Variants in ABL2 observed in about 807,000 individuals in gnomAD.
ABL2 encodes the protein ABL proto-oncogene 2, non-receptor tyrosine kinase.
A neutral mutation model predicts 107.7 loss-of-function variants in ABL2; 49 were observed. That is an observed-to-expected ratio of 0.45 (90% CI 0.36 to 0.58). The LOEUF (loss-of-function observed/expected upper bound fraction) is 0.58. Ranked by LOEUF, ABL2 falls within the 20% of genes least tolerant of loss-of-function variation. ABL2 has a pLI of 0.00. For synonymous variants in ABL2, 549 were observed against 548.6 expected (o/e 1.00, Z -0.01); for missense variants, 1,245 against 1,457.0 (o/e 0.85, Z 2.37).
chr1:179,187,321 T>C (rs1348858439), intron 1 of ABL2, among the ~76,000 whole-genome samples: 1 of 152,250 alleles, frequency 6.6e-6, no homozygotes, highest in East Asian at 1.9e-4. Context: ...TTTATTTTCA[T>C]CACTAGCAAC....
intron 1 of ABL2, among the ~76,000 whole-genome samples, chr1:179,215,297 A>G (rs1412152476): frequency 6.6e-6 from 1 of 152,244 alleles, no homozygotes; most frequent in Non-Finnish European, 1.5e-5. Context: ...GGAAACACCT[A>G]TCGAACCACA....
At chr1:179,121,408 A>C (rs1655183194) in intron 5 of ABL2, among the ~76,000 whole-genome samples, 187 bp downstream of exon 5, 1 of 152,222 alleles carries the variant, frequency 6.6e-6, no homozygotes, top group African/African-American at 2.4e-5. Context: ...GTTTCACTGC[A>C]TTGCAGTGAA....
rs1653421178 is a variant in ABL2, at chr1:179,105,639, C to G, written c.*2079G>C. On this transcript the variant is annotated 3_prime_UTR_variant, in exon 12 of 12. Coordinates refer to ENST00000502732, the MANE Select transcript of ABL2 (RefSeq NM_007314.4). ...ACATACTGCGGGGATCACCCAACACCTGCCAGGAATGCCCAGCACCGCGTG... is the reference window on the plus strand; with the variant it reads ...ACATACTGCGGGGATCACCCAACACGTGCCAGGAATGCCCAGCACCGCGTG... 4.4e-6 allele frequency: 1 copy of G among 227,902 alleles called. No individual in the cohort carries two copies. The highest frequency in any genetic ancestry group is 5.7e-5 in the Admixed American group (1 of 17,580). The allele number at this position is 227,902 out of a possible 1,614,324, so 14.1% of individuals were successfully genotyped here.
intron 5 of ABL2, 44 bp downstream of exon 5, chr1:179,121,551 C>T: frequency 6.3e-7 from 1 of 1,588,118 alleles, no homozygotes; most frequent in Non-Finnish European, 8.6e-7. Flanking sequence ...TGATTGAGCA[C>T]AAAAGAAAAA....
intron 1 of ABL2, among the ~76,000 whole-genome samples, chr1:179,198,657 C>T (rs1485398075): frequency 8.1e-6 from 1 of 123,562 alleles, no homozygotes; most frequent in Non-Finnish European, 1.6e-5. Flanking sequence ...CACGCCACTG[C>T]ACTCCAGCCT....
At chr1:179,131,659 A>G (rs778433616) in intron 2 of ABL2, among the ~76,000 whole-genome samples, 178 bp from the exon 3 acceptor site, 9 of 152,228 alleles carry the variant, frequency 5.9e-5, no homozygotes, top group Non-Finnish European at 1.0e-4. Context: ...ATGAGGAAGC[A>G]ATTTACTTGT....
intron 1 of ABL2, among the ~76,000 whole-genome samples, chr1:179,219,971 A>G (rs1662783572): frequency 6.6e-6 from 1 of 152,266 alleles, no homozygotes; most frequent in Admixed American, 6.5e-5. Flanking sequence ...GGCACTTAAG[A>G]GTCTCGTACA....
intron 1 of ABL2, 65 bp downstream of exon 1, chr1:179,229,167 TCCGCCACCC>T: frequency 5.0e-6 from 2 of 402,572 alleles, no homozygotes; most frequent in Non-Finnish European, 9.3e-6. Flanking sequence ...GGGCAGCCCG[TCCGCCACCC>T]ACCCCGCCCC....
chr1:179,219,763 T>C (rs1023575322), intron 1 of ABL2, among the ~76,000 whole-genome samples: 1 of 152,186 alleles, frequency 6.6e-6, no homozygotes, highest in Admixed American at 6.5e-5. Flanking sequence ...CTAATAAGAG[T>C]AGCTTAATAA....
intron 4 of ABL2, among the ~76,000 whole-genome samples, chr1:179,124,101 C>G (rs1235567288): frequency 6.6e-6 from 1 of 151,820 alleles, no homozygotes; most frequent in African/African-American, 2.4e-5. Flanking sequence ...ATTAGCCGGG[C>G]GTGGTGGTGG....
At chr1:179,229,206 C>CCCCCCCCCCCCCCACA in intron 1 of ABL2, 35 bp downstream of exon 1, 1 of 1,480,760 alleles carries the variant, frequency 6.8e-7, no homozygotes, top group Non-Finnish European at 9.0e-7. Context: ...CCCGGCCTCC[C>CCCCCCCCCCCCCCACA]CCACGCTCTC....
At chr1:179,156,000 T>C (rs1192059297) in intron 1 of ABL2, among the ~76,000 whole-genome samples, 1 of 152,170 alleles carries the variant, frequency 6.6e-6, no homozygotes, top group African/African-American at 2.4e-5. Context: ...CATTAGGAAA[T>C]ATTTCTTATA....
intron 1 of ABL2, among the ~76,000 whole-genome samples, chr1:179,141,200 A>G (rs1657556318): frequency 6.6e-6 from 1 of 151,978 alleles, no homozygotes; most frequent in Non-Finnish European, 1.5e-5. Context: ...AAGCTGAGGT[A>G]GGATTGTCTG....
intron 1 of ABL2, among the ~76,000 whole-genome samples, chr1:179,228,577 T>C (rs560458160): frequency 2.0e-5 from 3 of 152,186 alleles, no homozygotes; most frequent in African/African-American, 4.8e-5. Flanking sequence ...TTGCCAGCAA[T>C]CTCAGAATTG....
chr1:179,154,588 G>A (rs1658567354), intron 1 of ABL2, among the ~76,000 whole-genome samples: 1 of 152,168 alleles, frequency 6.6e-6, no homozygotes, highest in Non-Finnish European at 1.5e-5. Flanking sequence ...CGGGGCTTGA[G>A]GCCAAACCTA....
intron 1 of ABL2, 49 bp from the exon 2 acceptor site, chr1:179,133,423 T>A (rs771235965): frequency 3.3e-5 from 53 of 1,613,662 alleles, no homozygotes; most frequent in Non-Finnish European, 4.5e-5. Context: ...GCTTCTTCAA[T>A]AGTTTAACAT....
intron 8 of ABL2, among the ~76,000 whole-genome samples, chr1:179,115,246 T>G (rs1432899193): frequency 1.3e-5 from 2 of 152,238 alleles, no homozygotes; most frequent in Non-Finnish European, 2.9e-5. Context: ...CAGTTTTATT[T>G]AAATTTCCCA....
chr1:179,224,425 C>G (rs1349356019), intron 1 of ABL2, among the ~76,000 whole-genome samples: 1 of 151,764 alleles, frequency 6.6e-6, no homozygotes, highest in African/African-American at 2.4e-5. Context: ...CGCCACCACA[C>G]CTGGCTAATT....
chr1:179,192,898 T>C (rs553922293), intron 1 of ABL2, among the ~76,000 whole-genome samples: 1 of 152,350 alleles, frequency 6.6e-6, no homozygotes, highest in South Asian at 2.1e-4. Context: ...TAAGTCACAC[T>C]GTATTATGTC....
Sources: allele counts gnomAD v4.1 joint callset (sites outside exome capture counted in the v4.1 genomes callset), GRCh38; gene constraint gnomAD v4.1.1; transcripts MANE v1.5; gene names NCBI Gene and HGNC (gene_info 2026-07-23, HGNC 2026-07-21).